Variants in ADAMTS17 observed in about 807,000 individuals in gnomAD.
ADAMTS17 encodes A disintegrin and metalloproteinase with thrombospondin motifs 17.
Under a neutral mutation model 141.5 loss-of-function variants are expected in ADAMTS17, and 113 were observed. The ratio of observed to expected loss-of-function variants is 0.80; its 90% CI spans 0.69 to 0.93. The LOEUF (loss-of-function observed/expected upper bound fraction) is 0.93, where lower values mean the gene tolerates loss of function less well. Ranked by LOEUF, ADAMTS17 falls within the 40% of genes least tolerant of loss-of-function variation. The pLI, the probability that ADAMTS17 is intolerant of heterozygous loss-of-function variation, is 0.00. For synonymous variants in ADAMTS17, 768 were observed against 630.6 expected (o/e 1.22, Z -3.27); for missense variants, 1,659 against 1,517.9 (o/e 1.09, Z -1.54).
chr15:100,225,374 T>G (rs1239965211), intron 7 of ADAMTS17, among the ~76,000 whole-genome samples: 1 of 152,254 alleles, frequency 6.6e-6, no homozygotes, highest in Non-Finnish European at 1.5e-5. Context: ...CAAAGGGGAC[T>G]TGGGGGAGCT....
chr15:100,154,862 C>T (rs1262620401), intron 9 of ADAMTS17, among the ~76,000 whole-genome samples: 1 of 152,158 alleles, frequency 6.6e-6, no homozygotes, highest in African/African-American at 2.4e-5. Flanking sequence ...CCAGGGGCGC[C>T]CCAAGGTGAC....
chr15:100,068,138 C>T (rs952575917), intron 15 of ADAMTS17, among the ~76,000 whole-genome samples: 12 of 152,164 alleles, frequency 7.9e-5, no homozygotes, highest in African/African-American at 2.2e-4. Context: ...CCTACACCCA[C>T]GGAGCCTCGC....
rs182253425 is a variant in ADAMTS17 at position 100,048,836 on chromosome 15, C to G, written c.2591+21G>C. On this transcript the variant is annotated intron_variant, in intron 18 of 21. Coordinates refer to ENST00000268070, the MANE Select transcript of ADAMTS17 (RefSeq NM_139057.4). ...CGCCCCAGACTCTGGTGGGTCCAAG[C>G]TACAGAACCCAGCTTCTTACCGTGA... 347 of 1,614,134 alleles carry G rather than the reference C, an allele frequency of 2.1e-4. 6 individuals carry two copies. In the Admixed American group the frequency reaches 5.6e-3, roughly 26 times the overall value.
At chr15:100,123,195 G>A (rs2037538965) in intron 12 of ADAMTS17, among the ~76,000 whole-genome samples, 1 of 152,196 alleles carries the variant, frequency 6.6e-6, no homozygotes, top group South Asian at 2.1e-4. Flanking sequence ...ATCCCCAAAA[G>A]CAACCGGAGA....
chr15:100,323,705 A>C (rs1214871822), intron 3 of ADAMTS17, among the ~76,000 whole-genome samples: 1 of 152,234 alleles, frequency 6.6e-6, no homozygotes, highest in Non-Finnish European at 1.5e-5. Flanking sequence ...AGGTTAATAG[A>C]CAAAACTCTG....
Position 100,276,965 on chromosome 15 carries a change from A to G in ADAMTS17, c.789+4264T>C, listed in dbSNP as rs371711329. ...ATCTCTGAACGGAACTTGTTTTTCAATTTACTTAATGGTGGTCCAGGGCTA... is the reference window on the plus strand; with the variant it reads ...ATCTCTGAACGGAACTTGTTTTTCAGTTTACTTAATGGTGGTCCAGGGCTA... On this transcript the variant is annotated intron_variant, in intron 4 of 21. Transcript: ENST00000268070. Among the ~76,000 whole-genome samples, 13 of 152,078 alleles carry G rather than the reference A, an allele frequency of 8.5e-5. No individual in the cohort carries two copies. The East Asian group carries it at 1.4e-3, about 16-fold the overall frequency.
chr15:100,298,774 G>C (rs1328640479), intron 3 of ADAMTS17, among the ~76,000 whole-genome samples: 1 of 152,102 alleles, frequency 6.6e-6, no homozygotes, highest in Non-Finnish European at 1.5e-5. Flanking sequence ...GAAAATAAAG[G>C]AGACCACCAC....
chr15:100,262,050 G>A (rs7183111), intron 5 of ADAMTS17, among the ~76,000 whole-genome samples: 103,184 of 151,914 alleles, frequency 0.68, 35,065 homozygotes, highest in South Asian at 0.72. Context: ...TTCAGAAGGG[G>A]AGCCACAATG....
intron 8 of ADAMTS17, among the ~76,000 whole-genome samples, chr15:100,189,257 T>G (rs929343231): frequency 3.9e-5 from 6 of 152,044 alleles, no homozygotes; most frequent in African/African-American, 1.4e-4. Context: ...GATGTAGGAG[T>G]TTTAGGTGAA....
At chr15:100,056,037 T>A (rs1417948689) in intron 15 of ADAMTS17, among the ~76,000 whole-genome samples, 2 of 152,222 alleles carry the variant, frequency 1.3e-5, no homozygotes, top group African/African-American at 4.8e-5. Flanking sequence ...AATGCTGAAA[T>A]GTGCAAAGGT....
At position 100,071,861 on chromosome 15, in the gene ADAMTS17, T is replaced by C. The variant is rs1343244667; in HGVS notation, c.2138-17807A>G. 3.7e-4 allele frequency among the ~76,000 whole-genome samples: 55 copies of C among 150,446 alleles called. 4 individuals are homozygous for C. The highest frequency in any genetic ancestry group is 1.2e-4 in the Non-Finnish European group (8 of 67,548). ...AAACTGGCACAAGACAGGGATGCCC[T>C]CTCTCGCCACTCCTATTCAACATAG... On this transcript the variant is annotated intron_variant, in intron 15 of 21. Transcript: ENST00000268070.
At chr15:100,043,989 CTT>C (rs3062389) in intron 18 of ADAMTS17, among the ~76,000 whole-genome samples, 8,816 of 152,256 alleles carry the variant, frequency 0.058, 813 homozygotes, top group African/African-American at 0.19. Context: ...GTTTATGTCA[CTT>C]TGTTTTGTAG....
chr15:100,058,422 T>C (rs1307133930), intron 15 of ADAMTS17, among the ~76,000 whole-genome samples: 1 of 151,892 alleles, frequency 6.6e-6, no homozygotes, highest in Non-Finnish European at 1.5e-5. Context: ...ACTGGCCTTG[T>C]TTATGTATTC....
At chr15:99,984,427 T>G (rs538425367) in intron 20 of ADAMTS17, among the ~76,000 whole-genome samples, 1 of 152,366 alleles carries the variant, frequency 6.6e-6, no homozygotes, top group Admixed American at 6.5e-5. Flanking sequence ...TTATGGGGAC[T>G]GAAGCACACT....
intron 4 of ADAMTS17, among the ~76,000 whole-genome samples, chr15:100,273,489 G>T: frequency 6.6e-6 from 1 of 152,106 alleles, no homozygotes; most frequent in Non-Finnish European, 1.5e-5. Context: ...AACATGCAAT[G>T]GTCCATAGTA....
At chr15:99,977,365 T>C (rs1484506107) in intron 20 of ADAMTS17, among the ~76,000 whole-genome samples, 2 of 11,896 alleles carry the variant, frequency 1.7e-4, no homozygotes, top group African/African-American at 9.6e-4. Flanking sequence ...TATATATATA[T>C]ATATATATAT....
At chr15:100,232,300 G>A (rs1050358687) in intron 7 of ADAMTS17, among the ~76,000 whole-genome samples, 8 of 152,334 alleles carry the variant, frequency 5.3e-5, no homozygotes, top group African/African-American at 1.4e-4. Context: ...CAGGGTGGGA[G>A]GTGGGCTTCC....
intron 7 of ADAMTS17, among the ~76,000 whole-genome samples, chr15:100,205,896 G>A (rs1254129936): frequency 1.3e-5 from 2 of 152,180 alleles, no homozygotes; most frequent in South Asian, 2.1e-4. Context: ...AAAGACAGCT[G>A]TGCCAGGGAC....
intron 18 of ADAMTS17, among the ~76,000 whole-genome samples, chr15:100,021,453 C>T (rs1335305838): frequency 1.3e-5 from 2 of 152,186 alleles, no homozygotes; most frequent in Non-Finnish European, 2.9e-5. Context: ...GGTGCCATAA[C>T]AGTCTCCTAA....
Sources: allele counts gnomAD v4.1 joint callset (sites outside exome capture counted in the v4.1 genomes callset), GRCh38; gene constraint gnomAD v4.1.1; transcripts MANE v1.5; gene names NCBI Gene and HGNC (gene_info 2026-07-23, HGNC 2026-07-21).